The following NAV3 variants were observed in gnomAD, a reference collection of about 807,000 sequenced individuals.
NAV3 encodes neuron navigator 3.
In NAV3, 87 loss-of-function variants were observed where a neutral mutation model predicts 244.7. That is an observed-to-expected ratio of 0.36 (90% confidence interval 0.30 to 0.42). The LOEUF (loss-of-function observed/expected upper bound fraction) is 0.42. Among genes scored for constraint, NAV3 ranks in the 20% least tolerant of loss-of-function variants. The pLI, the probability that NAV3 is intolerant of heterozygous loss-of-function variation, is 1.00. For missense variants in NAV3, 2,663 were observed against 2,893.3 expected (o/e 0.92, Z 1.83); for synonymous variants, 1,126 against 1,042.2 (o/e 1.08, Z -1.55).
intron 2 of NAV3, among the ~76,000 whole-genome samples, chr12:77,799,973 C>T (rs1232520076): frequency 6.6e-6 from 1 of 152,140 alleles, no homozygotes; most frequent in Non-Finnish European, 1.5e-5. Context: ...GTTGATGTCA[C>T]AAAAACTTAT....
At chr12:77,893,338 G>T (rs1884174610) in intron 1 of NAV3, among the ~76,000 whole-genome samples, 1 of 152,120 alleles carries the variant, frequency 6.6e-6, no homozygotes, top group African/African-American at 2.4e-5. Context: ...GTCAGTAACA[G>T]TAACTGACCA....
rs1402635293 is a variant in NAV3 at position 78,188,263 on chromosome 12, G to A, written c.5806G>A (p.Ala1936Thr). 6.2e-7 allele frequency: 1 copy of A among 1,610,434 alleles called. No homozygotes were observed. Among genetic ancestry groups the A allele is most frequent in the African/African-American group, 1.3e-5 (1 of 74,822 alleles). The change falls in exon 32 of 40, where the codon GCA (alanine) becomes ACA (threonine). Residue 1936 changes from alanine to threonine, a missense_variant. Coordinates refer to ENST00000397909, the MANE Select transcript of NAV3 (RefSeq NM_001024383.2). The part of the protein sequence containing the change: ...YGRAKDQKSQ[A>T]YLIGSIGVSG... ...TCTTATTTAGGACCAAAAATCTCAG[G>A]CATATTTGATAGGATCCATTGGTGT...
At chr12:78,083,115 G>A (rs565891531) in intron 12 of NAV3, among the ~76,000 whole-genome samples, 8 of 152,334 alleles carry the variant, frequency 5.3e-5, no homozygotes, top group Admixed American at 5.2e-4. Context: ...CATCTGTTAA[G>A]AGCCTTCTTG....
At chr12:77,903,249 C>G (rs1411600293) in intron 1 of NAV3, among the ~76,000 whole-genome samples, 2 of 152,148 alleles carry the variant, frequency 1.3e-5, no homozygotes, top group African/African-American at 4.8e-5. Context: ...AACTATATTA[C>G]AAGGCTACAG....
chr12:77,926,216 T>A (rs1186920421), intron 1 of NAV3, among the ~76,000 whole-genome samples: 2 of 152,190 alleles, frequency 1.3e-5, no homozygotes, highest in African/African-American at 4.8e-5. Flanking sequence ...CCTTGGCCAC[T>A]TCTTTCTAAA....
At chr12:77,929,307 C>G (rs1366602525) in intron 1 of NAV3, among the ~76,000 whole-genome samples, 2 of 150,974 alleles carry the variant, frequency 1.3e-5, no homozygotes, top group African/African-American at 4.9e-5. Flanking sequence ...TTTTAGAGTT[C>G]CATTTTTAGA....
rs955736325 is a variant in NAV3, at chr12:78,092,502, T to C, written c.2637-24270T>C. Among the ~76,000 whole-genome samples, 13 of 136,480 alleles carry C rather than the reference T, an allele frequency of 9.5e-5. 1 individual carries two copies. The highest frequency in any genetic ancestry group is 2.7e-4 in the African/African-American group (10 of 36,612). 89.5% of individuals were successfully genotyped at this position (136,480 alleles called of 152,430 possible). A position where few individuals can be genotyped will look rare whatever the true frequency, so the allele number is the denominator to read the frequency against. On this transcript the variant is annotated intron_variant, in intron 12 of 39. Coordinates refer to ENST00000397909, the MANE Select transcript of NAV3 (RefSeq NM_001024383.2). ...GCGTTAGTTATTTTCTTTTTTTTTT[T>C]TTTTTTTTTTTTTTTGAGATGGAGT...
chr12:78,064,878 G>A (rs967784865), intron 12 of NAV3, among the ~76,000 whole-genome samples: 20 of 152,150 alleles, frequency 1.3e-4, no homozygotes, highest in Non-Finnish European at 2.8e-4. Context: ...ATGTGGAAAA[G>A]AGAGCCAGGG....
chr12:77,682,626 G>A lies in NAV3; in HGVS notation c.72+110360G>A, dbSNP rs138076952. On this transcript the variant is annotated intron_variant, in intron 2 of 8. Transcript: ENST00000550042. ...TAATGTACATTCACACCAACCATGT[G>A]CAAAGGTTCTCTTTTCTCCACATTC... is the stretch of plus-strand genomic sequence containing the variant. Among the ~76,000 whole-genome samples, 117 of 152,236 alleles carry A rather than the reference G, an allele frequency of 7.7e-4. 1 individual carries two copies. In the East Asian group the frequency reaches 0.016, roughly 21 times the overall value.
chr12:77,813,287 T>A (rs570952468), intron 2 of NAV3, among the ~76,000 whole-genome samples: 1 of 152,232 alleles, frequency 6.6e-6, no homozygotes, highest in African/African-American at 2.4e-5. Context: ...TCATTTTACT[T>A]TGGAGAACCA....
At chr12:77,619,577 G>A (rs1018166457) in intron 2 of NAV3, among the ~76,000 whole-genome samples, 2 of 152,168 alleles carry the variant, frequency 1.3e-5, no homozygotes, top group African/African-American at 4.8e-5. Context: ...CATTGCATGG[G>A]TGCTGCAGAT....
intron 2 of NAV3, among the ~76,000 whole-genome samples, chr12:77,742,959 G>A (rs936587920): frequency 1.3e-5 from 2 of 151,896 alleles, no homozygotes; most frequent in Non-Finnish European, 2.9e-5. Context: ...AATACCATGG[G>A]ATCCAAAGTG....
At chr12:77,957,992 A>G (rs1466937390) in intron 3 of NAV3, among the ~76,000 whole-genome samples, 2 of 152,154 alleles carry the variant, frequency 1.3e-5, no homozygotes, top group African/African-American at 2.4e-5. Flanking sequence ...TACACACTCT[A>G]TGGTTGATAT....
chr12:78,203,610 C>T (rs1294406109), intron 38 of NAV3, among the ~76,000 whole-genome samples: 1 of 152,000 alleles, frequency 6.6e-6, no homozygotes, highest in Non-Finnish European at 1.5e-5. Context: ...GTGTTAATGT[C>T]CACCATTTTC....
Position 78,118,308 on chromosome 12 carries a change from C to A in NAV3, c.3040+11C>A. On this transcript the variant is annotated intron_variant, in intron 14 of 39. Transcript: ENST00000397909. ...CACTCAAAACACCCGGTAGGCTTGT[C>A]GTTTGCCAGCTGTTATGCAAAAGTG... 2.5e-6 allele frequency: 4 copies of A among 1,579,604 alleles called. No homozygotes were observed. The South Asian group carries it at 4.5e-5, about 18-fold the overall frequency.
chr12:77,853,394 T>C (rs533904589), intron 1 of NAV3, among the ~76,000 whole-genome samples: 128 of 152,352 alleles, frequency 8.4e-4, no homozygotes, highest in Non-Finnish European at 1.4e-3. Context: ...TTGTCAAATA[T>C]GCATATTGTG....
chr12:77,813,671 A>C (rs533092339), intron 2 of NAV3, among the ~76,000 whole-genome samples: 2 of 152,286 alleles, frequency 1.3e-5, no homozygotes, highest in African/African-American at 4.8e-5. Context: ...GGGCAAACAG[A>C]ATAAATGTGT....
Position 78,119,610 on chromosome 12 carries a change from G to T in NAV3, c.3414G>T (p.Leu1138Phe). ...SSKTTLQYRS[L>F]PRPSKSSTSG... ...AGACTACCCTACAATATCGCAGCTT[G>T]CCCCGCCCTTCAAAATCCAGCACCA... The change falls in exon 15 of 40, where the codon TTG (leucine) becomes TTT (phenylalanine). Residue 1138 changes from leucine (L) to phenylalanine (F), a missense_variant. Physicochemically the swap from Leu to Phe is conservative, Grantham distance 22 (BLOSUM62 0). Coordinates refer to ENST00000397909, the MANE Select transcript of NAV3 (RefSeq NM_001024383.2). 6.2e-7 allele frequency: 1 copy of T among 1,614,158 alleles called. No homozygotes were observed. Among genetic ancestry groups the T allele is most frequent in the Non-Finnish European group, 8.5e-7 (1 of 1,180,030 alleles).
At chr12:77,703,476 A>C (rs993892681) in intron 2 of NAV3, among the ~76,000 whole-genome samples, 14 of 152,170 alleles carry the variant, frequency 9.2e-5, no homozygotes, top group African/African-American at 3.4e-4. Context: ...GAATAAAGCT[A>C]TTATGAACAT....
Sources: gnomAD v4.1 joint callset for allele counts (sites outside exome capture counted in the v4.1 genomes callset) on GRCh38, gnomAD v4.1.1 for gene constraint, MANE v1.5 for transcripts, NCBI Gene and HGNC (gene_info 2026-07-23, HGNC 2026-07-21) for gene names.